Variants in SPON1 observed in about 807,000 individuals in gnomAD.
SPON1 encodes spondin 1, also known as spondin-1.
In SPON1, 52 loss-of-function variants were observed where a neutral mutation model predicts 111.7. That is an observed-to-expected ratio of 0.47 (90% CI 0.37 to 0.59). The LOEUF (loss-of-function observed/expected upper bound fraction) is 0.59. Among genes scored for constraint, SPON1 ranks in the 20% least tolerant of loss-of-function variants. The probability of loss-of-function intolerance (pLI) is 0.00; values close to 1 mark genes in which losing one functional copy is unlikely to be tolerated. For missense variants in SPON1, 957 were observed against 1,068.5 expected (o/e 0.90, Z 1.46); for synonymous variants, 410 against 395.8 (o/e 1.04, Z -0.43).
At chr11:14,067,777 G>A (rs566763680) in intron 3 of SPON1, among the ~76,000 whole-genome samples, 79 of 152,286 alleles carry the variant, frequency 5.2e-4, no homozygotes, top group African/African-American at 1.8e-3. Flanking sequence ...ATCATGACTG[G>A]CATGTCTGAT....
chr11:14,082,269 T>G (rs574332847), intron 5 of SPON1, among the ~76,000 whole-genome samples: 1 of 152,316 alleles, frequency 6.6e-6, no homozygotes, highest in South Asian at 2.1e-4. Flanking sequence ...TGAGAGTTTC[T>G]TAGTAAATAT....
chr11:14,159,507 A>G lies in SPON1; in HGVS notation c.825+23939A>G, dbSNP rs1486797088. ...TTAAAAAACTGAAAATAGGGATACT[A>G]TATGATTCAGCAATCCCACTGCTGG... On this transcript the variant is annotated intron_variant, in intron 6 of 15. Coordinates refer to ENST00000576479, the MANE Select transcript of SPON1 (RefSeq NM_006108.4). Among the ~76,000 whole-genome samples the G allele has an allele frequency of 6.6e-5, 10 of 152,278 alleles. No individual in the cohort carries two copies. In the East Asian group the frequency reaches 7.7e-4, roughly 12 times the overall value.
intron 6 of SPON1, among the ~76,000 whole-genome samples, chr11:14,174,091 A>G (rs1372712133): frequency 6.6e-6 from 1 of 152,226 alleles, no homozygotes; most frequent in Admixed American, 6.5e-5. Context: ...GAAGGCAAAG[A>G]CAGTTCCCCA....
At chr11:14,180,898 A>G (rs1848230020) in intron 6 of SPON1, among the ~76,000 whole-genome samples, 1 of 152,222 alleles carries the variant, frequency 6.6e-6, no homozygotes, top group South Asian at 2.1e-4. Flanking sequence ...TTTTGAATAT[A>G]TGAATGAATG....
chr11:14,259,525 C>T lies in SPON1; in HGVS notation c.1664-9C>T, dbSNP rs1304545450. The T allele has an allele frequency of 1.9e-6, 3 of 1,556,970 alleles. No individual in the cohort carries two copies. Among genetic ancestry groups the T allele is most frequent in the Non-Finnish European group, 2.6e-6 (3 of 1,150,688 alleles). On this transcript the variant is annotated splice_polypyrimidine_tract_variant and intron_variant, in intron 12 of 15. Transcript: ENST00000576479. This position sits in a 1 kb window ranked among gnomAD's most constrained non-coding sequence, Gnocchi z 5.0. ...GCAGGTGCGACTCCAATGCCGCTGG[C>T]CTCCCCAGCTCCCAGCAGCTGCCTG...
intron 6 of SPON1, among the ~76,000 whole-genome samples, chr11:14,173,221 T>C (rs1386166576): frequency 6.6e-6 from 1 of 152,102 alleles, no homozygotes; most frequent in Non-Finnish European, 1.5e-5. Context: ...TAAACTTCTC[T>C]TCTCACTTCA....
At chr11:14,043,059 G>C (rs555067919) in intron 3 of SPON1, among the ~76,000 whole-genome samples, 20 of 152,186 alleles carry the variant, frequency 1.3e-4, no homozygotes, top group Non-Finnish European at 2.4e-4. Context: ...ATCTATAAAT[G>C]TCAATATATA....
chr11:14,160,098 C>T (rs962296010), intron 6 of SPON1, among the ~76,000 whole-genome samples: 7 of 151,832 alleles, frequency 4.6e-5, no homozygotes, highest in African/African-American at 1.7e-4. Context: ...ATACTCCAAT[C>T]CCCATAATGT....
chr11:14,010,098 G>C (rs1554913551), intron 2 of SPON1, among the ~76,000 whole-genome samples: 1 of 152,160 alleles, frequency 6.6e-6, no homozygotes, highest in African/African-American at 2.4e-5. Flanking sequence ...AGGGATAATG[G>C]AATAATGGCA....
chr11:14,132,208 G>A (rs1847536798), intron 5 of SPON1, among the ~76,000 whole-genome samples: 1 of 152,022 alleles, frequency 6.6e-6, no homozygotes, highest in Admixed American at 6.5e-5. Context: ...AACCTGGGAG[G>A]CAGAGGTTGC....
chr11:14,162,157 C>CAAAA (rs72139147), intron 6 of SPON1, among the ~76,000 whole-genome samples: 2 of 112,612 alleles, frequency 1.8e-5, no homozygotes, highest in African/African-American at 6.2e-5. Context: ...GACTCTGTCT[C>CAAAA]AAAAAAAAAA....
intron 5 of SPON1, among the ~76,000 whole-genome samples, chr11:14,086,829 T>A (rs1182695902): frequency 6.6e-6 from 1 of 152,202 alleles, no homozygotes; most frequent in Admixed American, 6.5e-5. Flanking sequence ...TCAGAACTTG[T>A]TATTGGTCTA....
At chr11:14,009,704 G>A (rs1475055110) in intron 2 of SPON1, among the ~76,000 whole-genome samples, 1 of 152,170 alleles carries the variant, frequency 6.6e-6, no homozygotes, top group Non-Finnish European at 1.5e-5. Context: ...AATTCTGGAG[G>A]CTGAGCAGTC....
chr11:14,158,540 A>G (rs900282432), intron 6 of SPON1, among the ~76,000 whole-genome samples: 10 of 152,150 alleles, frequency 6.6e-5, no homozygotes, highest in African/African-American at 2.2e-4. Context: ...GAGACTGATG[A>G]AAGCTGTACT....
At chr11:14,075,282 TG>T in intron 3 of SPON1, 62 bp from the exon 4 acceptor site, 1 of 1,284,574 alleles carries the variant, frequency 7.8e-7, no homozygotes, top group Non-Finnish European at 1.1e-6. Flanking sequence ...TATGTCTGAC[TG>T]ATCTCCCAAA....
chr11:14,242,082 C>T (rs2133917794), intron 6 of SPON1, among the ~76,000 whole-genome samples: 1 of 152,172 alleles, frequency 6.6e-6, no homozygotes, highest in East Asian at 1.9e-4. Flanking sequence ...ACCACCACCA[C>T]CCAGCAGCCC....
At chr11:14,091,390 T>C (rs1294163961) in intron 5 of SPON1, among the ~76,000 whole-genome samples, 2 of 152,026 alleles carry the variant, frequency 1.3e-5, no homozygotes, top group South Asian at 2.1e-4. Flanking sequence ...TGGTGCTCGT[T>C]GGGGAGGCTC....
At chr11:14,262,465 C>T in intron 14 of SPON1, 2 of 562,084 alleles carry the variant, frequency 3.6e-6, no homozygotes, top group Middle Eastern at 4.8e-4. Context: ...CCTCCAAAGC[C>T]TTCTTGAGTC....
At chr11:14,074,064 G>A (rs1848898042) in intron 3 of SPON1, among the ~76,000 whole-genome samples, 2 of 152,140 alleles carry the variant, frequency 1.3e-5, no homozygotes, top group South Asian at 4.1e-4. Context: ...ACTAACAAAA[G>A]GCTTTGTTAT....
Sources: gnomAD v4.1 joint callset for allele counts (sites outside exome capture counted in the v4.1 genomes callset) on GRCh38, gnomAD v4.1.1 for gene constraint, Gnocchi (gnomAD v3.1) non-coding constraint, MANE v1.5 for transcripts, NCBI Gene and HGNC (gene_info 2026-07-23, HGNC 2026-07-21) for gene names.